The following UBN2 variants were observed in gnomAD, a reference collection of about 807,000 sequenced individuals.
UBN2 encodes the protein ubinuclein-2.
A neutral mutation model predicts 120.2 loss-of-function variants in UBN2; 35 were observed. The ratio of observed to expected loss-of-function variants is 0.29; its 90% confidence interval spans 0.22 to 0.39. The LOEUF (loss-of-function observed/expected upper bound fraction) is 0.39. UBN2 is among the 10% of genes least tolerant of loss of function. UBN2 has a pLI of 1.00. For missense variants in UBN2, 1,693 were observed against 1,663.2 expected (o/e 1.02, Z -0.31); for synonymous variants, 661 against 648.7 (o/e 1.02, Z -0.29).
At position 139,277,130 on chromosome 7, in the gene UBN2, C is replaced by CT. The variant is rs1025541393; in HGVS notation, c.2024+984dup. On this transcript the variant is annotated intron_variant, in intron 12 of 17. Transcript: ENST00000473989. ...AGTTACTGAGAATTTACTGAACACTCTAATTCAATATTCTGCTGAGAGGTC... is the reference window on the plus strand; with the variant it reads ...AGTTACTGAGAATTTACTGAACACTCTTAATTCAATATTCTGCTGAGAGGTC... The CT allele has an allele frequency of 1.1e-4, 17 of 152,190 alleles. 2 individuals carry two copies. The highest frequency in any genetic ancestry group is 6.5e-4 in the Admixed American group (10 of 15,278). 9.4% of individuals were successfully genotyped at this position (152,190 alleles called of 1,614,324 possible). A position where few individuals can be genotyped will look rare whatever the true frequency, so the allele number is the denominator to read the frequency against.
chr7:139,319,586 A>G, the UBN2 span, among the ~76,000 whole-genome samples: 3 of 152,034 alleles, frequency 2.0e-5, no homozygotes, highest in Admixed American at 1.3e-4. Flanking sequence ...CAGACACTCC[A>G]TCTCTAAAAA....
Position 139,269,536 on chromosome 7 carries a change from A to C in UBN2, c.1596+13A>C, listed in dbSNP as rs527941139. On this transcript the variant is annotated intron_variant, in intron 8 of 17. Transcript: ENST00000473989. ...TCTCAATGTCCAGGTAAGAGGAAGA[A>C]CAATAATATCTACATCTTGGGTTTC... 81 of 1,613,024 alleles carry C rather than the reference A, an allele frequency of 5.0e-5. No homozygotes were observed. In the South Asian group the frequency reaches 8.0e-4, roughly 16 times the overall value.
intron 4 of UBN2, among the ~76,000 whole-genome samples, chr7:139,258,923 C>T (rs2130976366): frequency 6.6e-6 from 1 of 152,170 alleles, no homozygotes; most frequent in African/African-American, 2.4e-5. Context: ...TGTTACCTTT[C>T]CTAAGATGTC....
chr7:139,245,245 C>T (rs1393289785), intron 2 of UBN2, among the ~76,000 whole-genome samples: 1 of 151,898 alleles, frequency 6.6e-6, no homozygotes, highest in Non-Finnish European at 1.5e-5. Flanking sequence ...CAGCCTACCA[C>T]ATTATTCTTC....
chr7:139,327,416 A>G, the UBN2 span, among the ~76,000 whole-genome samples: 2 of 152,234 alleles, frequency 1.3e-5, no homozygotes, highest in African/African-American at 2.4e-5. Flanking sequence ...GGTAATTTAT[A>G]AAGAAAAGAA....
chr7:139,291,865 A>G (rs1486417423), intron 15 of UBN2, among the ~76,000 whole-genome samples: 2 of 152,112 alleles, frequency 1.3e-5, no homozygotes, highest in African/African-American at 4.8e-5. Context: ...AAAAAAAATA[A>G]TAATAAATTT....
chr7:139,262,479 G>C (rs1796967718), intron 6 of UBN2, among the ~76,000 whole-genome samples: 1 of 152,180 alleles, frequency 6.6e-6, no homozygotes, highest in Admixed American at 6.6e-5. Flanking sequence ...GGGAAGCCAA[G>C]GTGGGTGAAC....
At position 139,273,914 on chromosome 7, in the gene UBN2, A is replaced by G; in HGVS notation, c.1830-17A>G. The G allele has an allele frequency of 6.4e-7, 1 of 1,560,472 alleles. No individual in the cohort carries two copies. Among genetic ancestry groups the G allele is most frequent in the South Asian group, 1.2e-5 (1 of 82,852 alleles). On this transcript the variant is annotated splice_polypyrimidine_tract_variant and intron_variant, in intron 10 of 17. Transcript: ENST00000473989. ...TCTTCTAAAAAAAGTTTCAAATTTA[A>G]TTTTCAATCTGTTTAGAACTTTGTT...
intron 3 of UBN2, among the ~76,000 whole-genome samples, chr7:139,256,301 T>C (rs1796765325): frequency 6.6e-6 from 1 of 152,248 alleles, no homozygotes; most frequent in African/African-American, 2.4e-5. Context: ...TAAATTTTTC[T>C]TAGCAGGTGA....
At chr7:139,266,440 T>A in intron 7 of UBN2, 37 bp downstream of exon 7, 2 of 1,264,972 alleles carry the variant, frequency 1.6e-6, no homozygotes, top group Non-Finnish European at 2.2e-6. Flanking sequence ...ACCTTAAGAA[T>A]GATACATTAA....
rs777285943 is a variant in UBN2, at chr7:139,231,577, C to T, written c.93C>T (p.Tyr31=). 1.3e-4 allele frequency: 183 copies of T among 1,399,250 alleles called. No homozygotes were observed. Among genetic ancestry groups the T allele is most frequent in the Non-Finnish European group, 1.6e-4 (168 of 1,067,560 alleles). 86.7% of individuals were successfully genotyped at this position (1,399,250 alleles called of 1,614,324 possible). A position where few individuals can be genotyped will look rare whatever the true frequency, so the allele number is the denominator to read the frequency against. ...EYPGPEREPE[Y]PREPPRLEPQ... Reference sequence around the variant, plus strand: ...CGGGGCCCGAGCGTGAGCCCGAGTACCCCCGCGAGCCCCCCCGGCTGGAGC... The same window carrying T: ...CGGGGCCCGAGCGTGAGCCCGAGTATCCCCGCGAGCCCCCCCGGCTGGAGC... The change falls in exon 1 of 18, where the codon TAC becomes TAT. Residue 31 remains tyrosine (Y), a synonymous_variant. Transcript: ENST00000473989.
At chr7:139,315,804 T>C in the UBN2 span, among the ~76,000 whole-genome samples, 1 of 151,984 alleles carries the variant, frequency 6.6e-6, no homozygotes, top group Non-Finnish European at 1.5e-5. Context: ...AGGCTGGGCA[T>C]GGTGGCTCAC....
chr7:139,269,602 A>G (rs1202765946), intron 8 of UBN2, 79 bp downstream of exon 8: 13 of 1,460,662 alleles, frequency 8.9e-6, no homozygotes, highest in Non-Finnish European at 1.2e-5. Flanking sequence ...GGGCCTTTGC[A>G]CATTAATTGA....
intron 1 of UBN2, among the ~76,000 whole-genome samples, chr7:139,236,337 C>T (rs1242132390): frequency 6.6e-6 from 1 of 152,114 alleles, no homozygotes; most frequent in Non-Finnish European, 1.5e-5. Flanking sequence ...TGTGTATTCC[C>T]TGAATGGATA....
intron 12 of UBN2, chr7:139,277,128 C>T (rs1797467715): frequency 1.3e-5 from 2 of 152,064 alleles, no homozygotes; most frequent in Admixed American, 6.5e-5. Context: ...TTACTGAACA[C>T]TCTAATTCAA....
chr7:139,297,738 GT>G, intron 17 of UBN2, 48 bp from the exon 18 acceptor site: 1 of 1,576,762 alleles, frequency 6.3e-7, no homozygotes, highest in Non-Finnish European at 8.7e-7. Context: ...TTGTTAGCTG[GT>G]TTTTGTAACA....
intron 11 of UBN2, among the ~76,000 whole-genome samples, chr7:139,275,676 G>C (rs1439344113): frequency 4.6e-5 from 7 of 152,052 alleles, no homozygotes; most frequent in African/African-American, 1.7e-4. Flanking sequence ...CAACAGAAAA[G>C]ATCTGTTGGC....
intron 7 of UBN2, among the ~76,000 whole-genome samples, chr7:139,267,689 A>G (rs1797142160): frequency 6.6e-6 from 1 of 152,184 alleles, no homozygotes; most frequent in South Asian, 2.1e-4. Flanking sequence ...ATTGCTTCTG[A>G]TAATGTTTGT....
At chr7:139,264,771 G>A (rs1797047127) in intron 6 of UBN2, among the ~76,000 whole-genome samples, 1 of 152,092 alleles carries the variant, frequency 6.6e-6, no homozygotes, top group Non-Finnish European at 1.5e-5. Context: ...TGTATTTTTA[G>A]TAGAGACGGG....
Sources: allele counts gnomAD v4.1 joint callset (sites outside exome capture counted in the v4.1 genomes callset), GRCh38; gene constraint gnomAD v4.1.1; transcripts MANE v1.5; gene names NCBI Gene and HGNC (gene_info 2026-07-23, HGNC 2026-07-21).